UST: variants seen among roughly 807,000 people sequenced by gnomAD.
The protein encoded by UST is uronyl 2-sulfotransferase, also known as chondroitin sulfate 2-O-sulfotransferase.
In UST, 21 loss-of-function variants were observed where a neutral mutation model predicts 45.6. The observed-to-expected ratio is 0.46, with a 90% CI of 0.33 to 0.66. The LOEUF is 0.66. Ranked by LOEUF, UST falls within the 30% of genes least tolerant of loss-of-function variation. The probability of loss-of-function intolerance (pLI) is 0.02; values close to 1 mark genes in which losing one functional copy is unlikely to be tolerated. For missense variants in UST, 463 were observed against 512.4 expected, an observed-to-expected ratio of 0.90 and a Z score of 0.93; for synonymous variants, 215 against 200.6, an observed-to-expected ratio of 1.07 and a Z score of -0.61.
intron 5 of UST, among the ~76,000 whole-genome samples, chr6:149,002,242 T>C (rs1436047303): frequency 1.3e-5 from 2 of 151,842 alleles, no homozygotes. Context: ...AAAACTCTAT[T>C]AAACCAACAG....
At chr6:149,010,709 A>G (rs1186326324) in intron 5 of UST, among the ~76,000 whole-genome samples, 1 of 151,958 alleles carries the variant, frequency 6.6e-6, no homozygotes, top group Non-Finnish European at 1.5e-5. Context: ...CCTGACCAAC[A>G]TGGTGAAAAC....
At position 148,918,770 on chromosome 6, in the gene UST, C is replaced by T. The variant is rs138305252; in HGVS notation, c.292-22509C>T. On this transcript the variant is annotated intron_variant, in intron 2 of 7. Coordinates refer to ENST00000367463, the MANE Select transcript of UST (RefSeq NM_005715.3). ...TCAGTCCTAGCACCGTGCTAGGTCC[C>T]TAGGCACATCCTTTTTTCTTTACTT... 4.4e-3 allele frequency among the ~76,000 whole-genome samples: 672 copies of T among 152,254 alleles called. 5 individuals are homozygous for T. Among genetic ancestry groups the T allele is most frequent in the African/African-American group, 0.015 (625 of 41,548 alleles).
At chr6:148,929,741 G>A (rs777281424) in intron 2 of UST, among the ~76,000 whole-genome samples, 3 of 152,186 alleles carry the variant, frequency 2.0e-5, no homozygotes, top group Admixed American at 6.6e-5. Flanking sequence ...GTAACATAAA[G>A]CAGAGAAGTT....
chr6:148,955,197 C>T (rs1436927457), intron 4 of UST, among the ~76,000 whole-genome samples: 2 of 152,218 alleles, frequency 1.3e-5, no homozygotes, highest in African/African-American at 2.4e-5. Context: ...CTAGTTAGTG[C>T]TGACCCAGTG....
Position 148,817,649 on chromosome 6 carries a change from G to A in UST, c.248-69337G>A, listed in dbSNP as rs1007475584. Reference sequence around the variant, plus strand: ...GACCTGGGATCAATAGAAAGGAAATGTCTGGGTTAAGATAAAGGATTATGA... The same window carrying A: ...GACCTGGGATCAATAGAAAGGAAATATCTGGGTTAAGATAAAGGATTATGA... On this transcript the variant is annotated intron_variant, in intron 1 of 7. Transcript: ENST00000367463. Among the ~76,000 whole-genome samples the A allele has an allele frequency of 6.6e-4, 101 of 152,334 alleles. 1 individual carries two copies. Among genetic ancestry groups the A allele is most frequent in the African/African-American group, 2.2e-3 (92 of 41,576 alleles).
chr6:148,952,735 GT>G (rs1748808283), intron 3 of UST, among the ~76,000 whole-genome samples: 1 of 152,134 alleles, frequency 6.6e-6, no homozygotes, highest in African/African-American at 2.4e-5. Flanking sequence ...TTTGTTTCCA[GT>G]TTTTCAACTT....
intron 1 of UST, among the ~76,000 whole-genome samples, chr6:148,809,038 T>A (rs766742751): frequency 6.6e-6 from 1 of 152,240 alleles, no homozygotes; most frequent in African/African-American, 2.4e-5. Flanking sequence ...ACTAAGACAC[T>A]GTCCCTCACT....
intron 1 of UST, among the ~76,000 whole-genome samples, chr6:148,784,376 T>A (rs567882086): frequency 6.6e-6 from 1 of 152,244 alleles, no homozygotes; most frequent in African/African-American, 2.4e-5. Context: ...TGAATGAAAA[T>A]TTTGAAGGAA....
At chr6:148,857,980 G>T (rs1778236147) in intron 1 of UST, among the ~76,000 whole-genome samples, 1 of 152,110 alleles carries the variant, frequency 6.6e-6, no homozygotes, top group South Asian at 2.1e-4. Flanking sequence ...TGTGTTGAAT[G>T]CAAAGAGTAT....
intron 2 of UST, among the ~76,000 whole-genome samples, chr6:148,914,173 G>T (rs570572643): frequency 6.6e-5 from 10 of 152,150 alleles, no homozygotes; most frequent in Admixed American, 5.2e-4. Context: ...GTTTTCCATT[G>T]TACTGCATTA....
chr6:149,014,125 A>G (rs921405824), intron 5 of UST, among the ~76,000 whole-genome samples: 1 of 152,214 alleles, frequency 6.6e-6, no homozygotes, highest in Admixed American at 6.5e-5. Context: ...AGAAGGAGGC[A>G]GGGCTGTGAA....
chr6:148,966,458 T>A (rs1244681589), intron 5 of UST, among the ~76,000 whole-genome samples: 1 of 152,144 alleles, frequency 6.6e-6, no homozygotes, highest in Non-Finnish European at 1.5e-5. Context: ...TCTGATTCAA[T>A]CCTCATGCTA....
At chr6:148,773,949 G>A (rs1776481502) in intron 1 of UST, among the ~76,000 whole-genome samples, 1 of 152,170 alleles carries the variant, frequency 6.6e-6, no homozygotes, top group African/African-American at 2.4e-5. Context: ...ATTCCCACCA[G>A]CTTCCCTCTG....
rs1429799010 is a variant in UST, at chr6:148,747,417, C to G, written c.-14C>G. 7.2e-7 allele frequency: 1 copy of G among 1,396,764 alleles called. No homozygotes were observed. The highest frequency in any genetic ancestry group is 3.0e-5 in the East Asian group (1 of 33,866). 86.5% of individuals were successfully genotyped at this position (1,396,764 alleles called of 1,614,324 possible). On this transcript the variant is annotated 5_prime_UTR_variant, in exon 1 of 8. Transcript: ENST00000367463. ...CCTGGCACGGGCAGGCTGTGGGAGG[C>G]AGCGGAGCAGGCGATGAAGAAGAAG... is the stretch of plus-strand genomic sequence containing the variant.
At chr6:148,922,148 T>G (rs1779720132) in intron 2 of UST, among the ~76,000 whole-genome samples, 1 of 152,212 alleles carries the variant, frequency 6.6e-6, no homozygotes, top group African/African-American at 2.4e-5. Flanking sequence ...TCAGTGGTTT[T>G]TAGTATATTC....
intron 1 of UST, among the ~76,000 whole-genome samples, chr6:148,853,984 A>G (rs1434367111): frequency 6.6e-6 from 1 of 152,232 alleles, no homozygotes; most frequent in African/African-American, 2.4e-5. Flanking sequence ...CTTTTGCATC[A>G]TATAACAAAG....
intron 5 of UST, among the ~76,000 whole-genome samples, chr6:148,999,653 C>A (rs1258411775): frequency 7.2e-6 from 1 of 139,346 alleles, no homozygotes; most frequent in African/African-American, 2.5e-5. Flanking sequence ...TACCCTCTGA[C>A]ATATAGAGCA....
rs752769104 is a variant in UST, at chr6:148,775,626, AT to A, written c.247+27962del. Among the ~76,000 whole-genome samples, 254 of 144,948 alleles carry A rather than the reference AT, an allele frequency of 1.8e-3. 1 individual carries two copies. The highest frequency in any genetic ancestry group is 7.3e-3 in the East Asian group (37 of 5,042). ...TGATTGTAACTCTTTTTTTAATTAA[AT>A]TTTTTTTTTTTTGGGGCGGGGAGAG... On this transcript the variant is annotated intron_variant, in intron 1 of 7. Coordinates refer to ENST00000367463, the MANE Select transcript of UST (RefSeq NM_005715.3).
At chr6:149,031,184 G>A (rs1258248543) in intron 7 of UST, among the ~76,000 whole-genome samples, 3 of 145,574 alleles carry the variant, frequency 2.1e-5, no homozygotes, top group African/African-American at 5.2e-5. Flanking sequence ...TCTAGCCTGG[G>A]CCACAGAGCA....
Sources: allele counts gnomAD v4.1 joint callset (sites outside exome capture counted in the v4.1 genomes callset), GRCh38; gene constraint gnomAD v4.1.1; transcripts MANE v1.5; gene names NCBI Gene and HGNC (gene_info 2026-07-23, HGNC 2026-07-21).